Variants in SHOC1 observed in about 807,000 individuals in gnomAD.
SHOC1 encodes the protein protein shortage in chiasmata 1 ortholog.
Under a neutral mutation model 179.2 loss-of-function variants are expected in SHOC1, and 136 were observed. That is an observed-to-expected ratio of 0.76 (90% CI 0.66 to 0.87). The LOEUF is 0.87. Ranked by LOEUF, SHOC1 falls within the 40% of genes least tolerant of loss-of-function variation. The probability of loss-of-function intolerance (pLI) is 0.00; values close to 1 mark genes in which losing one functional copy is unlikely to be tolerated. For synonymous variants in SHOC1, 489 were observed against 586.6 expected (o/e 0.83, Z 2.41); for missense variants, 1,538 against 1,700.8 (o/e 0.90, Z 1.68).
At chr9:111,709,247 C>T (rs1187078765) in intron 18 of SHOC1, among the ~76,000 whole-genome samples, 1 of 152,178 alleles carries the variant, frequency 6.6e-6, no homozygotes, top group East Asian at 1.9e-4. Flanking sequence ...GAGGGTAAGG[C>T]AGGAGAATGG....
chr9:111,766,493 C>G (rs1835365380), intron 5 of SHOC1, among the ~76,000 whole-genome samples: 1 of 152,224 alleles, frequency 6.6e-6, no homozygotes, highest in South Asian at 2.1e-4. Flanking sequence ...CTAATTTACA[C>G]TTCCACAAAT....
intron 5 of SHOC1, among the ~76,000 whole-genome samples, chr9:111,760,776 GA>G (rs555497357): frequency 2.9e-3 from 432 of 150,784 alleles, no homozygotes; most frequent in African/African-American, 0.01. Context: ...TTAAAAATTT[GA>G]AAAAAAGGCA....
intron 8 of SHOC1, among the ~76,000 whole-genome samples, chr9:111,754,607 G>C (rs1834768589): frequency 6.6e-6 from 1 of 152,098 alleles, no homozygotes. Context: ...CCACTCCTAG[G>C]TATATATCCA....
At chr9:111,763,752 G>A (rs1191202085) in intron 5 of SHOC1, among the ~76,000 whole-genome samples, 2 of 152,132 alleles carry the variant, frequency 1.3e-5, no homozygotes, top group Non-Finnish European at 1.5e-5. Context: ...CAAGAAAGAA[G>A]TGAACAGAAT....
At chr9:111,777,742 C>T (rs1835887720) in intron 4 of SHOC1, among the ~76,000 whole-genome samples, 1 of 152,014 alleles carries the variant, frequency 6.6e-6, no homozygotes, top group Non-Finnish European at 1.5e-5. Context: ...TTCCTAATAT[C>T]CTGGAATATT....
intron 12 of SHOC1, among the ~76,000 whole-genome samples, chr9:111,733,786 T>A (rs1319782852): frequency 1.3e-5 from 2 of 151,586 alleles, no homozygotes; most frequent in Admixed American, 6.6e-5. Context: ...GAGAATTGCA[T>A]GAACCCAGGA....
At chr9:111,789,233 C>T (rs1179381569) in intron 2 of SHOC1, among the ~76,000 whole-genome samples, 1 of 151,776 alleles carries the variant, frequency 6.6e-6, no homozygotes, top group African/African-American at 2.4e-5. Flanking sequence ...AAAAAGATTA[C>T]TTAAGGTAAT....
intron 27 of SHOC1, 21 bp downstream of exon 27, chr9:111,691,530 T>C: frequency 6.5e-7 from 1 of 1,535,320 alleles, no homozygotes; most frequent in Non-Finnish European, 8.8e-7. Context: ...AGTAGTTTTA[T>C]CAACTATTGG....
chr9:111,744,341 T>C (rs10981044), intron 10 of SHOC1, among the ~76,000 whole-genome samples: 2,015 of 152,320 alleles, frequency 0.013, 54 homozygotes, highest in African/African-American at 0.046. Flanking sequence ...CTATGCTCTT[T>C]TTAGGGCTCA....
At chr9:111,790,517 G>C (rs1156500800) in intron 2 of SHOC1, among the ~76,000 whole-genome samples, 2 of 152,054 alleles carry the variant, frequency 1.3e-5, no homozygotes, top group South Asian at 4.1e-4. Flanking sequence ...TTAATTGTTT[G>C]ATTATTTTAA....
chr9:111,744,249 A>T (rs1834163727), intron 10 of SHOC1, among the ~76,000 whole-genome samples: 1 of 152,208 alleles, frequency 6.6e-6, no homozygotes, highest in Non-Finnish European at 1.5e-5. Context: ...AAAACAGTAT[A>T]TGTCCTGCAA....
chr9:111,756,836 T>C (rs1190709175), intron 7 of SHOC1, among the ~76,000 whole-genome samples: 1 of 152,090 alleles, frequency 6.6e-6, no homozygotes, highest in African/African-American at 2.4e-5. Context: ...AGAAGTGAAA[T>C]GAGATCATGG....
At chr9:111,695,394 T>C (rs1216684849) in intron 24 of SHOC1, among the ~76,000 whole-genome samples, 1 of 152,130 alleles carries the variant, frequency 6.6e-6, no homozygotes, top group Non-Finnish European at 1.5e-5. Flanking sequence ...ATAGGGAGAA[T>C]ACACAGAAAT....
chr9:111,768,493 A>G (rs529428390), intron 5 of SHOC1, among the ~76,000 whole-genome samples: 1 of 152,316 alleles, frequency 6.6e-6, no homozygotes, highest in East Asian at 1.9e-4. Flanking sequence ...TGCTGGGATT[A>G]CAGGCGTGAG....
At chr9:111,699,051 T>C (rs1831839076) in intron 24 of SHOC1, among the ~76,000 whole-genome samples, 1 of 152,160 alleles carries the variant, frequency 6.6e-6, no homozygotes, top group Admixed American at 6.6e-5. Context: ...TATAGTCTAG[T>C]GAGTGAAATA....
chr9:111,735,488 T>A (rs949235969), intron 12 of SHOC1, among the ~76,000 whole-genome samples: 2 of 152,172 alleles, frequency 1.3e-5, no homozygotes, highest in African/African-American at 4.8e-5. Context: ...TCCAGCTTCA[T>A]CCATGTCTCT....
At chr9:111,767,766 A>G (rs1262107692) in intron 5 of SHOC1, among the ~76,000 whole-genome samples, 2 of 152,166 alleles carry the variant, frequency 1.3e-5, no homozygotes, top group Non-Finnish European at 2.9e-5. Context: ...GAATCTGTAA[A>G]TTGCTTTGGA....
intron 15 of SHOC1, among the ~76,000 whole-genome samples, chr9:111,721,485 G>A (rs1589406427): frequency 6.6e-6 from 1 of 152,072 alleles, no homozygotes; most frequent in Non-Finnish European, 1.5e-5. Flanking sequence ...GATTACAGGT[G>A]CCCGCCACCA....
rs1564100752 is a variant in SHOC1 at position 111,691,769 on chromosome 9, T to C, written c.4208A>G (p.Asp1403Gly). The C allele has an allele frequency of 6.2e-7, 1 of 1,614,046 alleles. No homozygotes were observed. The part of the protein sequence containing the change: ...LFTDQQKCLS[D>G]ESEGLTCESS... ...TTCACATGTGAGGCCTTCAGACTCA[T>C]CTGATAGACATTTTTGCTGATCAGT... The change falls in exon 27 of 28, where the codon GAT becomes GGT. Residue 1403 changes from aspartate to glycine, a missense_variant. Asp to Gly is a moderately conservative substitution (Grantham distance 94). Transcript: ENST00000682961.
Sources: gnomAD v4.1 joint callset for allele counts (sites outside exome capture counted in the v4.1 genomes callset) on GRCh38, gnomAD v4.1.1 for gene constraint, MANE v1.5 for transcripts, NCBI Gene and HGNC (gene_info 2026-07-23, HGNC 2026-07-21) for gene names.